The following RBFOX1 variants were observed in gnomAD, a reference collection of about 807,000 sequenced individuals.
RBFOX1 encodes the protein RNA binding fox-1 homolog 1.
A neutral mutation model predicts 57.7 loss-of-function variants in RBFOX1; 8 were observed. The observed-to-expected ratio is 0.14, with a 90% confidence interval of 0.08 to 0.25. The LOEUF (loss-of-function observed/expected upper bound fraction) is 0.25. RBFOX1 is among the 10% of genes least tolerant of loss of function. The pLI is 1.00. For synonymous variants in RBFOX1, 326 were observed against 222.4 expected (o/e 1.47, Z -4.15); for missense variants, 611 against 548.5 (o/e 1.11, Z -1.14).
chr16:5,462,914 G>A (rs1378542002), intron 1 of RBFOX1, among the ~76,000 whole-genome samples: 1 of 152,180 alleles, frequency 6.6e-6, no homozygotes, highest in Non-Finnish European at 1.5e-5. Context: ...AATTTTCAAT[G>A]TTGCTGAAGT....
chr16:7,025,395 C>A (rs2040590331), intron 3 of RBFOX1, among the ~76,000 whole-genome samples: 1 of 152,070 alleles, frequency 6.6e-6, no homozygotes, highest in South Asian at 2.1e-4. Context: ...TCAGCAAGGT[C>A]CTTATGACCT....
At chr16:6,700,684 T>G (rs1603443180) in intron 3 of RBFOX1, among the ~76,000 whole-genome samples, 1 of 152,228 alleles carries the variant, frequency 6.6e-6, no homozygotes, top group East Asian at 1.9e-4. Context: ...TAATAATTTT[T>G]TAAAAATTAC....
intron 5 of RBFOX1, among the ~76,000 whole-genome samples, chr16:7,562,452 A>C (rs908984166): frequency 6.6e-6 from 1 of 152,176 alleles, no homozygotes; most frequent in Non-Finnish European, 1.5e-5. Flanking sequence ...AGTTGGAAGC[A>C]ATGACCATTG....
At chr16:7,286,448 A>ATTT (rs940492155) in intron 4 of RBFOX1, among the ~76,000 whole-genome samples, 2,098 of 121,844 alleles carry the variant, frequency 0.017, 61 homozygotes, top group East Asian at 0.1. Context: ...ATACTTTCTT[A>ATTT]TTTTTTTTTT....
At chr16:6,552,860 G>A (rs1280283751) in intron 2 of RBFOX1, among the ~76,000 whole-genome samples, 2 of 151,950 alleles carry the variant, frequency 1.3e-5, no homozygotes, top group Non-Finnish European at 2.9e-5. Context: ...ATGTCTGGCA[G>A]TATATTCTGT....
At chr16:5,451,587 C>T (rs193218661) in intron 1 of RBFOX1, among the ~76,000 whole-genome samples, 1 of 152,226 alleles carries the variant, frequency 6.6e-6, no homozygotes. Flanking sequence ...TTAGAAAGAG[C>T]AGATAGAAAC....
chr16:6,670,727 G>T (rs1287696852), intron 3 of RBFOX1, among the ~76,000 whole-genome samples: 4 of 152,170 alleles, frequency 2.6e-5, no homozygotes. Context: ...GCCGGGCACG[G>T]TGGTTCACGC....
intron 3 of RBFOX1, among the ~76,000 whole-genome samples, chr16:5,723,576 G>T (rs1490406110): frequency 6.6e-6 from 1 of 152,048 alleles, no homozygotes; most frequent in African/African-American, 2.4e-5. Context: ...CAGCCCACAG[G>T]AAACTGTGGA....
chr16:6,590,174 A>G (rs1567795304), intron 2 of RBFOX1, among the ~76,000 whole-genome samples: 1 of 152,238 alleles, frequency 6.6e-6, no homozygotes, highest in Non-Finnish European at 1.5e-5. Context: ...CTAAGTTCAC[A>G]TGGCATATTC....
At chr16:5,564,014 A>T (rs1948950) in intron 2 of RBFOX1, among the ~76,000 whole-genome samples, 53,799 of 151,542 alleles carry the variant, frequency 0.36, 10,540 homozygotes, top group East Asian at 0.52. Flanking sequence ...GAGTTTTTTT[A>T]AAAAATTTTT....
chr16:7,518,480 G>C, intron 5 of RBFOX1, 91 bp downstream of exon 5: 1 of 1,495,724 alleles, frequency 6.7e-7, no homozygotes, highest in Non-Finnish European at 8.9e-7. Flanking sequence ...CATCTACCCA[G>C]GGACTCTGGG....
intron 1 of RBFOX1, among the ~76,000 whole-genome samples, chr16:5,362,440 G>T (rs761925246): frequency 1.3e-5 from 2 of 152,198 alleles, no homozygotes; most frequent in Non-Finnish European, 2.9e-5. Flanking sequence ...TCAGCTCACC[G>T]CAACCTCTGC....
chr16:6,917,626 G>A (rs7197474), intron 3 of RBFOX1, among the ~76,000 whole-genome samples: 39,876 of 152,070 alleles, frequency 0.26, 5,588 homozygotes, highest in African/African-American at 0.36. Flanking sequence ...CTTCTACACC[G>A]AAGTGGGAGT....
intron 1 of RBFOX1, among the ~76,000 whole-genome samples, chr16:6,169,239 C>T (rs1413428012): frequency 6.6e-6 from 1 of 152,022 alleles, no homozygotes; most frequent in Non-Finnish European, 1.5e-5. Context: ...AAGAGTAGAA[C>T]TCGGCAAATG....
At chr16:6,347,416 C>G (rs1243586096) in intron 2 of RBFOX1, among the ~76,000 whole-genome samples, 1 of 152,184 alleles carries the variant, frequency 6.6e-6, no homozygotes, top group Non-Finnish European at 1.5e-5. Flanking sequence ...GGCTTATAAT[C>G]TACCCGTGAA....
chr16:6,824,489 G>C lies in RBFOX1; in HGVS notation c.-16+169839G>C, dbSNP rs116710898. On this transcript the variant is annotated intron_variant, in intron 3 of 15. Coordinates refer to ENST00000550418, the MANE Select transcript of RBFOX1 (RefSeq NM_018723.4). The stretch of plus-strand genomic sequence containing the variant: ...AAATAGAAAATGGTAGTGGTGTTTT[G>C]TAGTAAATTCTATATTTCATTTTTT... 4.2e-3 allele frequency among the ~76,000 whole-genome samples: 646 copies of C among 152,266 alleles called. 4 individuals are homozygous for C. The highest frequency in any genetic ancestry group is 0.015 in the African/African-American group (609 of 41,544).
intron 15 of RBFOX1, chr16:7,710,246 G>C (rs1598710714): frequency 9.3e-7 from 1 of 1,072,030 alleles, no homozygotes; most frequent in Admixed American, 5.6e-5. Context: ...TCAACACCTA[G>C]TCCACATGAG....
intron 4 of RBFOX1, among the ~76,000 whole-genome samples, chr16:7,354,463 C>T (rs765472684): frequency 6.6e-6 from 1 of 152,110 alleles, no homozygotes; most frequent in Non-Finnish European, 1.5e-5. Context: ...TGTTGTTAAA[C>T]ACGGCCTAGC....
intron 3 of RBFOX1, among the ~76,000 whole-genome samples, chr16:7,050,329 G>C (rs900303670): frequency 6.0e-5 from 6 of 100,710 alleles, no homozygotes; most frequent in Non-Finnish European, 1.4e-4. Context: ...ATAATGGTGG[G>C]AACTCAGCTC....
Sources: allele counts gnomAD v4.1 joint callset (sites outside exome capture counted in the v4.1 genomes callset), GRCh38; gene constraint gnomAD v4.1.1; transcripts MANE v1.5; gene names NCBI Gene and HGNC (gene_info 2026-07-23, HGNC 2026-07-21).